NIN: variants seen among roughly 807,000 people sequenced by gnomAD.
NIN encodes the protein glycogen synthase kinase 3 beta-interacting protein.
A neutral mutation model predicts 257.6 loss-of-function variants in NIN; 137 were observed. The observed-to-expected ratio is 0.53, with a 90% confidence interval of 0.46 to 0.61. The LOEUF is 0.61. Ranked by LOEUF, NIN falls within the 20% of genes least tolerant of loss-of-function variation. The pLI, the probability that NIN is intolerant of heterozygous loss-of-function variation, is 0.00. For missense variants in NIN, 2,439 were observed against 2,501.2 expected (o/e 0.98, Z 0.53); for synonymous variants, 918 against 919.8 (o/e 1.00, Z 0.04).
Position 50,757,317 on chromosome 14 carries a change from A to G in NIN, c.3713T>C (p.Leu1238Pro), listed in dbSNP as rs1473729155. 2 of 1,613,780 alleles carry G rather than the reference A, an allele frequency of 1.2e-6. No individual in the cohort carries two copies. The highest frequency in any genetic ancestry group is 1.7e-6 in the Non-Finnish European group (2 of 1,179,950). The change falls in exon 18 of 31, where the codon CTT (leucine) becomes CCT (proline). Residue 1238 changes from leucine to proline, a missense_variant. Leu to Pro is a moderately conservative substitution (Grantham distance 98). This residue lies in a region of NIN where 2,043 missense variants were observed against 2,050.2 expected (regional missense o/e 1.00). Coordinates refer to ENST00000530997, the MANE Select transcript of NIN (RefSeq NM_020921.4). ...GGGAGAAGCCTCAGGGATTCTCTCA[A>G]GCATCTTCAGTTTCTTTTTTAGCAC... ...VSVLKKKLKM[L>P]ERIPEASPKY... is the part of the protein sequence containing the mutation.
chr14:50,732,078 A>T (rs1310425446), intron 28 of NIN, among the ~76,000 whole-genome samples: 1 of 152,220 alleles, frequency 6.6e-6, no homozygotes, highest in African/African-American at 2.4e-5. Context: ...AGTAGGCGTC[A>T]AATTCTAGCC....
intron 28 of NIN, among the ~76,000 whole-genome samples, chr14:50,731,594 G>A (rs2040706334): frequency 1.3e-5 from 2 of 151,994 alleles, no homozygotes; most frequent in South Asian, 4.1e-4. Flanking sequence ...CCAGCACTCT[G>A]GGAGGCCAAG....
At chr14:50,798,991 T>G (rs1290838143) in intron 4 of NIN, among the ~76,000 whole-genome samples, 5 of 152,212 alleles carry the variant, frequency 3.3e-5, no homozygotes, top group African/African-American at 9.6e-5. Context: ...GTTGGCCAGA[T>G]GGTCTTGATC....
intron 14 of NIN, among the ~76,000 whole-genome samples, chr14:50,764,545 C>T (rs752650798): frequency 5.3e-5 from 8 of 152,070 alleles, no homozygotes; most frequent in Non-Finnish European, 1.2e-4. Flanking sequence ...TTCATAGCTG[C>T]GTTACTCATA....
rs780474198 is a variant in NIN, at chr14:50,754,596, T to G, written c.4701A>C (p.Ala1567=). Residue 1567 remains alanine (A), a synonymous_variant, in exon 20 of 31, where the codon GCA becomes GCC. Coordinates refer to ENST00000530997, the MANE Select transcript of NIN (RefSeq NM_020921.4). ...TTAAATTTTCAACCATCTTCTGAAC[T>G]GCAGCATTTTCTTGTTTTACAGTTT... is the stretch of plus-strand genomic sequence containing the variant. ...KTETVKQENA[A]VQKMVENLKK... 1.3e-5 allele frequency: 21 copies of G among 1,611,116 alleles called. No homozygotes were observed. The highest frequency in any genetic ancestry group is 1.7e-5 in the Non-Finnish European group (20 of 1,178,858).
intron 17 of NIN, among the ~76,000 whole-genome samples, chr14:50,759,562 C>G (rs1043588573): frequency 3.3e-5 from 5 of 151,540 alleles, no homozygotes; most frequent in Admixed American, 2.6e-4. Flanking sequence ...AGCGCGATCT[C>G]GGCTCACTGC....
At chr14:50,764,043 G>T in intron 14 of NIN, 79 bp from the exon 15 acceptor site, 1 of 1,291,930 alleles carries the variant, frequency 7.7e-7, no homozygotes, top group Non-Finnish European at 1.1e-6. Context: ...AAGATAAATT[G>T]GATATCATCA....
chr14:50,796,720 A>G (rs976404995), intron 4 of NIN, among the ~76,000 whole-genome samples: 2 of 152,148 alleles, frequency 1.3e-5, no homozygotes, highest in Non-Finnish European at 2.9e-5. Context: ...CAGCCAGGGG[A>G]AATAACAAAC....
chr14:50,803,001 G>A (rs765152275), intron 4 of NIN, among the ~76,000 whole-genome samples: 1 of 152,108 alleles, frequency 6.6e-6, no homozygotes, highest in Admixed American at 6.5e-5. Context: ...ATGGTGTAAA[G>A]GTAACCTTTT....
rs186272711 is a variant in NIN at position 50,798,421 on chromosome 14, C to T, written c.266-5540G>A. On this transcript the variant is annotated intron_variant, in intron 4 of 30. Coordinates refer to ENST00000530997, the MANE Select transcript of NIN (RefSeq NM_020921.4). ...CTTCCAGGGGAAAGTTACCACCCCC[C>T]GAAGGTGCCTAAGCTGGTGGATGAG... 8.7e-4 allele frequency among the ~76,000 whole-genome samples: 133 copies of T among 152,282 alleles called. No individual in the cohort carries two copies. In the East Asian group the frequency reaches 0.023, roughly 27 times the overall value.
upstream of NIN, among the ~76,000 whole-genome samples, chr14:50,831,464 C>T (rs2045709065): frequency 6.6e-6 from 1 of 152,246 alleles, no homozygotes; most frequent in Non-Finnish European, 1.5e-5. Flanking sequence ...TCACCCGCAC[C>T]GCGGACACTC....
Position 50,720,207 on chromosome 14 carries a change from G to A in NIN, c.*3256C>T. On this transcript the variant is annotated 3_prime_UTR_variant, in exon 31 of 31. Transcript: ENST00000530997. ...TTAATTAGGCTTTGACTTGGTTTTT[G>A]GCATTACTTGTATAATTATATCATT... The A allele has an allele frequency of 4.5e-6, 1 of 222,532 alleles. No individual in the cohort carries two copies. The highest frequency in any genetic ancestry group is 9.0e-6 in the Non-Finnish European group (1 of 111,380). The allele number at this position is 222,532 out of a possible 1,614,324, so 13.8% of individuals were successfully genotyped here. A position where few individuals can be genotyped will look rare whatever the true frequency, so the allele number is the denominator to read the frequency against.
intron 14 of NIN, among the ~76,000 whole-genome samples, chr14:50,764,951 T>C (rs1204600347): frequency 6.7e-6 from 1 of 149,196 alleles, no homozygotes; most frequent in Admixed American, 6.8e-5. Flanking sequence ...GGGTAAAACA[T>C]ATAGTGTATA....
chr14:50,787,489 CA>C (rs1403904558), intron 5 of NIN, among the ~76,000 whole-genome samples: 1 of 152,206 alleles, frequency 6.6e-6, no homozygotes, highest in Non-Finnish European at 1.5e-5. Flanking sequence ...AAAGCAAAAA[CA>C]GTGACAACCA....
intron 28 of NIN, among the ~76,000 whole-genome samples, chr14:50,732,899 A>G (rs2984268): frequency 0.56 from 83,682 of 150,614 alleles, 23,564 homozygotes; most frequent in African/African-American, 0.66. Context: ...GGCCAATAAC[A>G]CTGTTTTTAA....
At chr14:50,760,525 ATACT>A (rs1250214014) in intron 16 of NIN, among the ~76,000 whole-genome samples, 166 bp from the exon 17 acceptor site, 3 of 151,130 alleles carry the variant, frequency 2.0e-5, no homozygotes, top group Non-Finnish European at 2.9e-5. Flanking sequence ...TTTAAGCAAG[ATACT>A]TAAGTCAGGC....
intron 21 of NIN, among the ~76,000 whole-genome samples, 184 bp downstream of exon 21, chr14:50,752,334 G>A (rs978967345): frequency 2.6e-5 from 4 of 152,114 alleles, no homozygotes; most frequent in East Asian, 1.9e-4. Flanking sequence ...TATACACTAC[G>A]TTTCCATTTG....
intron 28 of NIN, chr14:50,730,866 A>AG: frequency 7.9e-7 from 1 of 1,265,466 alleles, no homozygotes; most frequent in Non-Finnish European, 1.0e-6. Context: ...AACATGAGCA[A>AG]GGGGTTTAAT....
chr14:50,749,412 A>G (rs1463377110), intron 21 of NIN, among the ~76,000 whole-genome samples: 4 of 152,194 alleles, frequency 2.6e-5, no homozygotes, highest in Non-Finnish European at 5.9e-5. Context: ...CAAGGACTTC[A>G]TGATTTCTAA....
Sources: gnomAD v4.1 joint callset for allele counts (sites outside exome capture counted in the v4.1 genomes callset) on GRCh38, gnomAD v4.1.1 for gene constraint, gnomAD v4.1.1 regional missense constraint, MANE v1.5 for transcripts, NCBI Gene and HGNC (gene_info 2026-07-23, HGNC 2026-07-21) for gene names.